Variants in SGCD observed in about 807,000 individuals in gnomAD.
SGCD encodes delta-sarcoglycan.
In SGCD, 18 loss-of-function variants were observed where a neutral mutation model predicts 36.6. The ratio of observed to expected loss-of-function variants is 0.49; its 90% CI spans 0.34 to 0.73. The LOEUF (loss-of-function observed/expected upper bound fraction) is 0.73, where lower values mean the gene tolerates loss of function less well. Among genes scored for constraint, SGCD ranks in the 30% least tolerant of loss-of-function variants. The pLI is 0.01. For synonymous variants in SGCD, 133 were observed against 130.6 expected, an observed-to-expected ratio of 1.02 and a Z score of -0.12; for missense variants, 387 against 346.7, an observed-to-expected ratio of 1.12 and a Z score of -0.92.
At chr5:155,923,315 A>G (rs752423541) in intron 1 of SGCD, among the ~76,000 whole-genome samples, 75 of 152,232 alleles carry the variant, frequency 4.9e-4, no homozygotes, top group Admixed American at 1.0e-3. Context: ...AATGGTACAC[A>G]TTATCGAAAA....
chr5:155,844,437 G>GTGTGTGTGTGTGTT, the SGCD span, among the ~76,000 whole-genome samples: 1 of 151,714 alleles, frequency 6.6e-6, no homozygotes, highest in African/African-American at 2.4e-5. Context: ...GTGTGTGTGT[G>GTGTGTGTGTGTGTT]TGTGTGTGTG....
the SGCD span, among the ~76,000 whole-genome samples, chr5:155,840,521 C>G: frequency 6.6e-6 from 1 of 150,726 alleles, no homozygotes; most frequent in East Asian, 2.0e-4. Flanking sequence ...GATGTCCTGA[C>G]CTCGTGATCT....
chr5:156,299,249 T>C (rs1241463210), intron 3 of SGCD, among the ~76,000 whole-genome samples: 1 of 152,188 alleles, frequency 6.6e-6, no homozygotes, highest in Admixed American at 6.5e-5. Context: ...GAGTTCACTG[T>C]AGATGCATGG....
intron 3 of SGCD, among the ~76,000 whole-genome samples, chr5:156,235,015 A>T (rs1765119786): frequency 1.3e-5 from 2 of 152,218 alleles, no homozygotes; most frequent in South Asian, 4.1e-4. Context: ...GATAACACAG[A>T]TTATGGTTCT....
chr5:156,028,233 A>G (rs771644884), intron 1 of SGCD, among the ~76,000 whole-genome samples: 4 of 152,202 alleles, frequency 2.6e-5, no homozygotes, highest in Non-Finnish European at 4.4e-5. Flanking sequence ...AAGACAGGGT[A>G]GAATGTGCGT....
At chr5:156,713,980 T>C (rs1267065302) in intron 7 of SGCD, among the ~76,000 whole-genome samples, 1 of 152,260 alleles carries the variant, frequency 6.6e-6, no homozygotes, top group Non-Finnish European at 1.5e-5. Flanking sequence ...AACTAAATGC[T>C]CTAGTTTCCT....
At chr5:155,925,334 G>C (rs530765294) in intron 1 of SGCD, among the ~76,000 whole-genome samples, 2 of 152,218 alleles carry the variant, frequency 1.3e-5, no homozygotes, top group African/African-American at 4.8e-5. Context: ...CCACAAATCA[G>C]GTGGCTTAAA....
Position 156,057,505 on chromosome 5 carries a change from T to C in SGCD, c.-281-60373T>C, listed in dbSNP as rs538101874. Among the ~76,000 whole-genome samples the C allele has an allele frequency of 4.1e-5, 6 of 146,714 alleles. 1 individual carries two copies. Among genetic ancestry groups the C allele is most frequent in the South Asian group, 2.1e-4 (1 of 4,652 alleles). On this transcript the variant is annotated intron_variant, in intron 1 of 9. Transcript: ENST00000517913. ...TCAGTTTGAATGAGGATGACTTTAT[T>C]TGGGAACAAAACAAAACATCTTTAG...
At position 156,275,325 on chromosome 5, in the gene SGCD, T is replaced by G. The variant is rs77059268; in HGVS notation, c.-43-54209T>G. On this transcript the variant is annotated intron_variant, in intron 3 of 9. Transcript: ENST00000517913. ...AGAAGAAAATGCCAGGATTTCTATG[T>G]ATGATGATTTTTCTCATAAAAAATA... is the stretch of plus-strand genomic sequence containing the variant. 2.5e-3 allele frequency among the ~76,000 whole-genome samples: 385 copies of G among 152,280 alleles called. 5 individuals carry two copies. Among genetic ancestry groups the G allele is most frequent in the Admixed American group, 5.3e-3 (81 of 15,280 alleles).
At chr5:156,730,490 G>GTGTT (rs1756004131) in intron 7 of SGCD, among the ~76,000 whole-genome samples, 1 of 151,938 alleles carries the variant, frequency 6.6e-6, no homozygotes, top group East Asian at 1.9e-4. Flanking sequence ...TTTCTGTTTT[G>GTGTT]TGTTTGTTAG....
At chr5:156,715,214 T>C (rs554658845) in intron 7 of SGCD, among the ~76,000 whole-genome samples, 56 of 152,194 alleles carry the variant, frequency 3.7e-4, no homozygotes, top group African/African-American at 1.3e-3. Flanking sequence ...AAGTAGGAAA[T>C]AGGTAAGATG....
chr5:156,010,473 TACTC>T (rs754085256), intron 1 of SGCD, among the ~76,000 whole-genome samples: 10 of 152,220 alleles, frequency 6.6e-5, no homozygotes, highest in Non-Finnish European at 1.3e-4. Context: ...AATACATTGT[TACTC>T]AATGCACAAT....
chr5:156,384,502 G>C (rs896037214), intron 3 of SGCD, among the ~76,000 whole-genome samples: 1 of 152,138 alleles, frequency 6.6e-6, no homozygotes, highest in Non-Finnish European at 1.5e-5. Flanking sequence ...CTAGTTGATT[G>C]AGCTTGTGTG....
At position 156,506,368 on chromosome 5, in the gene SGCD, G is replaced by GACAC. The variant is rs147030455; in HGVS notation, c.193-2220_193-2217dup. On this transcript the variant is annotated intron_variant, in intron 3 of 8. Coordinates refer to ENST00000337851, the MANE Select transcript of SGCD (RefSeq NM_000337.6). The stretch of plus-strand genomic sequence containing the variant: ...AAACACACACTCACACACACACACA[G>GACAC]ACACACACACACACACCCCTTATTT... Among the ~76,000 whole-genome samples, 6 of 150,014 alleles carry GACAC rather than the reference G, an allele frequency of 4.0e-5. No individual in the cohort carries two copies. The East Asian group carries it at 7.9e-4, about 20-fold the overall frequency.
At chr5:156,393,990 A>G (rs1771720398) in intron 3 of SGCD, 5 of 357,822 alleles carry the variant, frequency 1.4e-5, no homozygotes, top group South Asian at 1.0e-4. Context: ...ACAAAGATGC[A>G]TCTAACTAAT....
chr5:156,515,186 T>C (rs1757105340), intron 4 of SGCD, among the ~76,000 whole-genome samples: 1 of 151,948 alleles, frequency 6.6e-6, no homozygotes, highest in Admixed American at 6.6e-5. Context: ...TCTTAAACAT[T>C]TTTGCTGGGT....
At chr5:155,968,935 A>G (rs149677387) in intron 1 of SGCD, among the ~76,000 whole-genome samples, 28 of 152,212 alleles carry the variant, frequency 1.8e-4, no homozygotes, top group African/African-American at 6.5e-4. Flanking sequence ...TCATATTTTA[A>G]TTCTGTAGCT....
At chr5:155,875,395 G>A (rs1292543715) in intron 1 of SGCD, among the ~76,000 whole-genome samples, 1 of 152,070 alleles carries the variant, frequency 6.6e-6, no homozygotes, top group Non-Finnish European at 1.5e-5. Flanking sequence ...TTTCACATAT[G>A]TCAGTTATAG....
intron 3 of SGCD, among the ~76,000 whole-genome samples, chr5:156,479,565 C>G (rs900778028): frequency 1.3e-5 from 2 of 152,176 alleles, no homozygotes; most frequent in Admixed American, 1.3e-4. Context: ...CTTTAAAGCA[C>G]TAAGACCTAG....
Sources: gnomAD v4.1 joint callset for allele counts (sites outside exome capture counted in the v4.1 genomes callset) on GRCh38, gnomAD v4.1.1 for gene constraint, MANE v1.5 for transcripts, NCBI Gene and HGNC (gene_info 2026-07-23, HGNC 2026-07-21) for gene names.